Variants in SAR1B observed in about 807,000 individuals in gnomAD.
SAR1B encodes the protein secretion associated Ras related GTPase 1B, also known as small COPII coat GTPase SAR1B.
Under a neutral mutation model 26.8 loss-of-function variants are expected in SAR1B, and 23 were observed. The observed-to-expected ratio is 0.86, with a 90% confidence interval of 0.62 to 1.22. The LOEUF is 1.22. Among genes scored for constraint, SAR1B ranks in the 50% most tolerant of loss-of-function variants. SAR1B has a pLI of 0.00. For synonymous variants in SAR1B, 65 were observed against 80.8 expected (o/e 0.80, Z 1.05); for missense variants, 196 against 232.8 (o/e 0.84, Z 1.03).
At position 134,606,771 on chromosome 5, in the gene SAR1B, C is replaced by A. The variant is rs1162606588; in HGVS notation, c.*179G>T. The stretch of plus-strand genomic sequence containing the variant: ...ATTAGAAAGCTAACATTGTGATACT[C>A]AAACTTACTTGAATCAGTTTTCAAT... On this transcript the variant is annotated 3_prime_UTR_variant, in exon 7 of 7. Coordinates refer to ENST00000402673, the MANE Select transcript of SAR1B (RefSeq NM_016103.4). The A allele has an allele frequency of 3.3e-6, 2 of 610,272 alleles. No individual in the cohort carries two copies. The highest frequency in any genetic ancestry group is 6.0e-6 in the Non-Finnish European group (2 of 335,110). 37.8% of individuals were successfully genotyped at this position (610,272 alleles called of 1,614,324 possible).
rs1361064498 is a variant in SAR1B at position 134,606,008 on chromosome 5, G to A, written c.*942C>T. 1.3e-5 allele frequency: 2 copies of A among 152,162 alleles called. No individual in the cohort carries two copies. Among genetic ancestry groups the A allele is most frequent in the Non-Finnish European group, 2.9e-5 (2 of 68,034 alleles). The allele number at this position is 152,162 out of a possible 1,614,324, so 9.4% of individuals were successfully genotyped here. A position where few individuals can be genotyped will look rare whatever the true frequency, so the allele number is the denominator to read the frequency against. On this transcript the variant is annotated 3_prime_UTR_variant, in exon 7 of 7. Coordinates refer to ENST00000402673, the MANE Select transcript of SAR1B (RefSeq NM_016103.4). ...GACACTGGTGCCTGTCATTGCTTTT[G>A]GGGAAGAGGCACAGATTACCCCATT...
At position 134,604,548 on chromosome 5, in the gene SAR1B, G is replaced by A. The variant is rs1301267978; in HGVS notation, c.*2402C>T. The A allele has an allele frequency of 6.6e-6, 1 of 152,236 alleles. No homozygotes were observed. Among genetic ancestry groups the A allele is most frequent in the Non-Finnish European group, 1.5e-5 (1 of 68,068 alleles). 9.4% of individuals were successfully genotyped at this position (152,236 alleles called of 1,614,324 possible). A position where few individuals can be genotyped will look rare whatever the true frequency, so the allele number is the denominator to read the frequency against. Reference sequence around the variant, plus strand: ...TCAGGAACTCTGCCCCCTAAAGCTGGGAGGAAAGCTGGTTGCTCCTAAACA... The same window carrying A: ...TCAGGAACTCTGCCCCCTAAAGCTGAGAGGAAAGCTGGTTGCTCCTAAACA... On this transcript the variant is annotated 3_prime_UTR_variant, in exon 7 of 7. Transcript: ENST00000402673.
At chr5:134,607,772 C>T in intron 6 of SAR1B, among the ~76,000 whole-genome samples, 1 of 99,712 alleles carries the variant, frequency 1.0e-5, no homozygotes, top group African/African-American at 3.7e-5. Context: ...AACTCCATCT[C>T]AAAAAAAAAA....
rs774142378 is a variant in SAR1B at position 134,610,883 on chromosome 5, C to CT, written c.245-1210dup. Among the ~76,000 whole-genome samples, 942 of 141,492 alleles carry CT rather than the reference C, an allele frequency of 6.7e-3. 5 individuals are homozygous for CT. Among genetic ancestry groups the CT allele is most frequent in the African/African-American group, 0.018 (701 of 38,762 alleles). 92.8% of individuals were successfully genotyped at this position (141,492 alleles called of 152,430 possible). On this transcript the variant is annotated intron_variant, in intron 4 of 6. Coordinates refer to ENST00000402673, the MANE Select transcript of SAR1B (RefSeq NM_016103.4). ...CACTGACTTGAGTTTTATGACATAC[C>CT]TTTTTTTTTTTTTTTTAAAGAGACA...
chr5:134,631,069 AT>A (rs796866403), intron 1 of SAR1B, among the ~76,000 whole-genome samples: 340 of 144,420 alleles, frequency 2.4e-3, no homozygotes, highest in Middle Eastern at 3.5e-3. Flanking sequence ...CACCCAGCAA[AT>A]TTTTTTTTTT....
chr5:134,609,672 G>C lies in SAR1B; in HGVS notation c.247C>G (p.Arg83Gly). ...TFDLGGHVQA[R>G]RVWKNYLPAI... ...GGAAGGTAGTTTTTCCACACTCTTC[G>C]AGCTAACAAAAACAATCAGGGGTTA... Residue 83 changes from arginine (R) to glycine (G), a missense_variant and splice_region_variant, in exon 5 of 7, where the codon CGA becomes GGA. Physicochemically the swap from Arg to Gly is moderately radical, Grantham distance 125 (BLOSUM62 -2). Transcript: ENST00000402673. 1.2e-6 allele frequency: 2 copies of C among 1,613,326 alleles called. No homozygotes were observed. Among genetic ancestry groups the C allele is most frequent in the Non-Finnish European group, 1.7e-6 (2 of 1,179,440 alleles).
intron 3 of SAR1B, among the ~76,000 whole-genome samples, chr5:134,618,543 C>T (rs754823188): frequency 4.6e-5 from 7 of 152,128 alleles, no homozygotes; most frequent in Non-Finnish European, 8.8e-5. Context: ...ATTAACTTGT[C>T]TTTAAACTCT....
intron 3 of SAR1B, among the ~76,000 whole-genome samples, chr5:134,617,954 T>A (rs1765341346): frequency 6.6e-6 from 1 of 152,236 alleles, no homozygotes; most frequent in Non-Finnish European, 1.5e-5. Context: ...TGATCATTTT[T>A]TCTTTAACAG....
rs757618302 is a variant in SAR1B, at chr5:134,606,953, A to C, written c.594T>G (p.Asp198Glu). 10 of 1,604,542 alleles carry C rather than the reference A, an allele frequency of 6.2e-6. No homozygotes were observed. The highest frequency in any genetic ancestry group is 2.7e-5 in the African/African-American group (2 of 74,742). ...EGFRWMAQYID is the reference protein window; with the variant it reads ...EGFRWMAQYIE ...CTGGAACCAATGTGAGTTTGTGTTA[A>C]TCAATGTACTGTGCCATCCAGCGGA... The change falls in exon 7 of 7, where the codon GAT (aspartate) becomes GAG (glutamate). Residue 198 changes from aspartate (D) to glutamate (E), a missense_variant. Transcript: ENST00000402673.
rs1765237932 is a variant in SAR1B at position 134,612,684 on chromosome 5, A to AAAAC, written c.244+6_244+7insGTTT. ...AAAAAAAAAAAAAAAAAAAAAAAGA[A>AAAAC]TCTTACCTTGAACATGTCCACCCAG... On this transcript the variant is annotated splice_region_variant and intron_variant, in intron 4 of 6. Coordinates refer to ENST00000402673, the MANE Select transcript of SAR1B (RefSeq NM_016103.4). The AAAAC allele has an allele frequency of 2.0e-6, 2 of 1,015,884 alleles. No homozygotes were observed. The highest frequency in any genetic ancestry group is 1.8e-5 in the African/African-American group (1 of 56,916). 62.9% of individuals were successfully genotyped at this position (1,015,884 alleles called of 1,614,324 possible).
chr5:134,604,012 T>C lies in SAR1B; in HGVS notation c.*2938A>G, dbSNP rs991091726. 2.0e-5 allele frequency: 3 copies of C among 152,110 alleles called. No homozygotes were observed. Among genetic ancestry groups the C allele is most frequent in the African/African-American group, 4.8e-5 (2 of 41,402 alleles). The allele number at this position is 152,110 out of a possible 1,614,324, so 9.4% of individuals were successfully genotyped here. ...CAAAGATACTGGTTTAAACCAACAGTGAATAATTTTTTTTCATATACTTTA... is the reference window on the plus strand; with the variant it reads ...CAAAGATACTGGTTTAAACCAACAGCGAATAATTTTTTTTCATATACTTTA... On this transcript the variant is annotated 3_prime_UTR_variant, in exon 7 of 7. Transcript: ENST00000402673.
chr5:134,616,675 C>G (rs1465354001), intron 3 of SAR1B, among the ~76,000 whole-genome samples: 1 of 152,188 alleles, frequency 6.6e-6, no homozygotes, highest in African/African-American at 2.4e-5. Flanking sequence ...CTAGCCCCTT[C>G]CCAGTCAATC....
chr5:134,617,591 G>A (rs574255425), intron 3 of SAR1B, among the ~76,000 whole-genome samples: 2 of 152,254 alleles, frequency 1.3e-5, no homozygotes, highest in East Asian at 1.9e-4. Context: ...ATAGAGCAAC[G>A]TCAAAAAATT....
chr5:134,622,586 A>G (rs1765428704), intron 2 of SAR1B, among the ~76,000 whole-genome samples: 1 of 150,700 alleles, frequency 6.6e-6, no homozygotes, highest in South Asian at 2.1e-4. Context: ...AATTTTTTGT[A>G]TTTTTAGTAG....
At chr5:134,630,657 C>A (rs1200135339) in intron 1 of SAR1B, among the ~76,000 whole-genome samples, 1 of 150,606 alleles carries the variant, frequency 6.6e-6, no homozygotes, top group African/African-American at 2.4e-5. Flanking sequence ...GTGGTGCATG[C>A]CTGTAATCCT....
rs1197291364 is a variant in SAR1B at position 134,627,841 on chromosome 5, T to TAAATAAATAAAA, written c.-18-3805_-18-3804insTTTTATTTATTT. 1.4e-3 allele frequency among the ~76,000 whole-genome samples: 164 copies of TAAATAAATAAAA among 113,402 alleles called. 1 individual carries two copies. Among genetic ancestry groups the TAAATAAATAAAA allele is most frequent in the South Asian group, 2.4e-3 (9 of 3,816 alleles). The allele number at this position is 113,402 out of a possible 152,430, so 74.4% of individuals were successfully genotyped here. A position where few individuals can be genotyped will look rare whatever the true frequency, so the allele number is the denominator to read the frequency against. On this transcript the variant is annotated intron_variant, in intron 1 of 6. Coordinates refer to ENST00000402673, the MANE Select transcript of SAR1B (RefSeq NM_016103.4). ...ATAAATAAATAAATAAATAAATAAA[T>TAAATAAATAAAA]AAAACCACACATTAAGGGCCGGGAG...
Position 134,612,678 on chromosome 5 carries a change from A to AAAAAAAAAAT in SAR1B, c.244+12_244+13insATTTTTTTTT. ...AAAAAAAAAAAAAAAAAAAAAAAAA[A>AAAAAAAAAAT]AAAGAATCTTACCTTGAACATGTCC... On this transcript the variant is annotated intron_variant, in intron 4 of 6. Coordinates refer to ENST00000402673, the MANE Select transcript of SAR1B (RefSeq NM_016103.4). 3 of 1,000,228 alleles carry AAAAAAAAAAT rather than the reference A, an allele frequency of 3.0e-6. No homozygotes were observed. The highest frequency in any genetic ancestry group is 2.1e-5 in the South Asian group (1 of 46,690). The allele number at this position is 1,000,228 out of a possible 1,614,324, so 62.0% of individuals were successfully genotyped here.
Position 134,605,681 on chromosome 5 carries a change from G to T in SAR1B, c.*1269C>A. The T allele has an allele frequency of 1.9e-5, 2 of 104,484 alleles. No individual in the cohort carries two copies. Among genetic ancestry groups the T allele is most frequent in the East Asian group, 2.9e-4 (1 of 3,490 alleles). 6.5% of individuals were successfully genotyped at this position (104,484 alleles called of 1,614,324 possible). A position where few individuals can be genotyped will look rare whatever the true frequency, so the allele number is the denominator to read the frequency against. On this transcript the variant is annotated 3_prime_UTR_variant, in exon 7 of 7. Coordinates refer to ENST00000402673, the MANE Select transcript of SAR1B (RefSeq NM_016103.4). ...GAGCAAAAAAAAAAAAAAAAAAAAAGCCCAACAAACAAAAAGTCTTTGTTG... is the reference window on the plus strand; with the variant it reads ...GAGCAAAAAAAAAAAAAAAAAAAAATCCCAACAAACAAAAAGTCTTTGTTG...
chr5:134,605,344 T>G lies in SAR1B; in HGVS notation c.*1606A>C, dbSNP rs1765107655. ...CTTGAGGGTCTTTAAAAATACATTT[T>G]TGGCACTTACCTTTCATCTTATATT... is the stretch of plus-strand genomic sequence containing the variant. On this transcript the variant is annotated 3_prime_UTR_variant, in exon 7 of 7. Transcript: ENST00000402673. 1 of 152,190 alleles carries G rather than the reference T, an allele frequency of 6.6e-6. No individual in the cohort carries two copies. Among genetic ancestry groups the G allele is most frequent in the Non-Finnish European group, 1.5e-5 (1 of 68,046 alleles). 9.4% of individuals were successfully genotyped at this position (152,190 alleles called of 1,614,324 possible). A position where few individuals can be genotyped will look rare whatever the true frequency, so the allele number is the denominator to read the frequency against.
Sources: allele counts gnomAD v4.1 joint callset (sites outside exome capture counted in the v4.1 genomes callset), GRCh38; gene constraint gnomAD v4.1.1; transcripts MANE v1.5; gene names NCBI Gene and HGNC (gene_info 2026-07-23, HGNC 2026-07-21).